Variants in SNX13 observed in about 807,000 individuals in gnomAD.
The protein encoded by SNX13 is sorting nexin-13.
SNX13 carries 45 observed loss-of-function variants against 133.6 expected under a neutral mutation model. The observed-to-expected ratio is 0.34, with a 90% CI of 0.27 to 0.43. SNX13 has a LOEUF of 0.43. SNX13 is among the 20% of genes least tolerant of loss of function. The pLI is 1.00. For synonymous variants in SNX13, 414 were observed against 373.9 expected, an observed-to-expected ratio of 1.11 and a Z score of -1.24; for missense variants, 1,032 against 1,145.1, an observed-to-expected ratio of 0.90 and a Z score of 1.43.
At chr7:17,928,936 G>C (rs1409328442) in intron 1 of SNX13, among the ~76,000 whole-genome samples, 2 of 152,024 alleles carry the variant, frequency 1.3e-5, no homozygotes, top group African/African-American at 2.4e-5. Context: ...CATGAAAAAA[G>C]TATATAAACC....
intron 9 of SNX13, among the ~76,000 whole-genome samples, chr7:17,857,692 G>A (rs1226497237): frequency 6.6e-6 from 1 of 152,186 alleles, no homozygotes; most frequent in East Asian, 1.9e-4. Context: ...TCTGAGGCAG[G>A]GAGAATTGCT....
intron 12 of SNX13, 83 bp downstream of exon 12, chr7:17,845,512 C>T: frequency 2.4e-6 from 2 of 839,508 alleles, no homozygotes; most frequent in Non-Finnish European, 3.7e-6. Context: ...AGTTGAGATA[C>T]TAAATTTTAT....
At position 17,794,040 on chromosome 7, in the gene SNX13, G is replaced by T. The variant is rs972796133; in HGVS notation, c.*5C>A. ...AAATGAACACCAGCTTCATAGAGTGGAGTGTCACCTTTTCTGCAAAGAAGG... is the reference window on the plus strand; with the variant it reads ...AAATGAACACCAGCTTCATAGAGTGTAGTGTCACCTTTTCTGCAAAGAAGG... On this transcript the variant is annotated 3_prime_UTR_variant, in exon 26 of 26. Coordinates refer to ENST00000428135, the MANE Select transcript of SNX13 (RefSeq NM_015132.5). The T allele has an allele frequency of 1.9e-6, 3 of 1,610,330 alleles. No individual in the cohort carries two copies. In the African/African-American group the frequency reaches 4.0e-5, roughly 22 times the overall value.
chr7:17,815,144 C>G (rs1195222221), intron 19 of SNX13, among the ~76,000 whole-genome samples, 200 bp from the exon 20 acceptor site: 1 of 152,002 alleles, frequency 6.6e-6, no homozygotes, highest in Non-Finnish European at 1.5e-5. Context: ...TATATATATT[C>G]TTTATATCAG....
intron 1 of SNX13, among the ~76,000 whole-genome samples, chr7:17,922,946 T>C (rs1374465428): frequency 6.6e-6 from 1 of 152,212 alleles, no homozygotes; most frequent in Non-Finnish European, 1.5e-5. Flanking sequence ...TTAATACACT[T>C]TCACACTGGT....
intron 15 of SNX13, chr7:17,831,475 G>C: frequency 3.1e-6 from 3 of 974,294 alleles, no homozygotes; most frequent in Non-Finnish European, 3.7e-6. Context: ...GGAGAGAGGA[G>C]AGATAGTAAG....
chr7:17,797,024 A>G (rs1475306477), intron 24 of SNX13, 85 bp from the exon 25 acceptor site: 1 of 1,054,948 alleles, frequency 9.5e-7, no homozygotes, highest in Non-Finnish European at 1.4e-6. Context: ...ATTTCTACAG[A>G]AAATACAAAT....
At chr7:17,915,323 G>A (rs913674281) in intron 1 of SNX13, among the ~76,000 whole-genome samples, 12 of 152,220 alleles carry the variant, frequency 7.9e-5, no homozygotes, top group African/African-American at 1.7e-4. Flanking sequence ...TTACCTAGGC[G>A]CCACAGCAAG....
chr7:17,865,175 G>A (rs1239277892), intron 9 of SNX13, among the ~76,000 whole-genome samples: 1 of 152,188 alleles, frequency 6.6e-6, no homozygotes, highest in African/African-American at 2.4e-5. Flanking sequence ...AAAACTCATT[G>A]ATACTAAGTA....
intron 1 of SNX13, among the ~76,000 whole-genome samples, chr7:17,939,403 G>A (rs1312250476): frequency 6.6e-6 from 1 of 152,204 alleles, no homozygotes; most frequent in Non-Finnish European, 1.5e-5. Context: ...TATGTTCAGT[G>A]ACACCTACAC....
intron 18 of SNX13, among the ~76,000 whole-genome samples, chr7:17,817,607 T>A (rs760413580): frequency 7.2e-5 from 11 of 152,164 alleles, no homozygotes; most frequent in Non-Finnish European, 1.3e-4. Context: ...TAAAAGCAGT[T>A]TTTTACTCCA....
intron 9 of SNX13, among the ~76,000 whole-genome samples, chr7:17,866,667 T>A (rs963051348): frequency 6.6e-6 from 1 of 152,076 alleles, no homozygotes; most frequent in Non-Finnish European, 1.5e-5. Context: ...AAACAAAGAC[T>A]GAACTCATGG....
rs570443357 is a variant in SNX13, at chr7:17,830,267, C to T, written c.1598-220G>A. 5.8e-5 allele frequency: 57 copies of T among 983,314 alleles called. 1 individual carries two copies. The South Asian group carries it at 1.1e-3, about 19-fold the overall frequency. 60.9% of individuals were successfully genotyped at this position (983,314 alleles called of 1,614,324 possible). On this transcript the variant is annotated intron_variant, in intron 15 of 25. Transcript: ENST00000428135. ...ATTTAAGTGACAATATAGTATGTAC[C>T]TGATAGCTGGCCAAAAATCAAAAAG...
chr7:17,805,211 TTGTGTGTGTGTG>T (rs55946438), intron 20 of SNX13, among the ~76,000 whole-genome samples: 62 of 118,524 alleles, frequency 5.2e-4, no homozygotes, highest in Middle Eastern at 7.7e-3. Flanking sequence ...TAATGATTCT[TTGTGTGTGTGTG>T]TGTGTGTGTG....
At chr7:17,801,092 G>C (rs1249817013) in intron 22 of SNX13, among the ~76,000 whole-genome samples, 1 of 94,694 alleles carries the variant, frequency 1.1e-5, no homozygotes, top group Non-Finnish European at 2.2e-5. Context: ...CCTAAGTATA[G>C]ATCCAATAGA....
chr7:17,839,447 A>G (rs1291641275), intron 13 of SNX13, among the ~76,000 whole-genome samples: 2 of 151,868 alleles, frequency 1.3e-5, no homozygotes, highest in Non-Finnish European at 2.9e-5. Flanking sequence ...TTAAATGTAC[A>G]TATGTTTAAT....
intron 18 of SNX13, among the ~76,000 whole-genome samples, 165 bp from the exon 19 acceptor site, chr7:17,816,454 G>A (rs1351896114): frequency 1.3e-5 from 2 of 152,294 alleles, no homozygotes; most frequent in East Asian, 1.9e-4. Flanking sequence ...CTGAGGTCGG[G>A]AGTTTGAGAT....
chr7:17,832,626 G>C (rs1338892878), intron 15 of SNX13: 3 of 284,856 alleles, frequency 1.1e-5, no homozygotes, highest in Non-Finnish European at 1.6e-5. Context: ...TTTTTCAATA[G>C]AGTAAGTACA....
intron 5 of SNX13, chr7:17,889,728 A>C (rs1796425271): frequency 6.6e-6 from 1 of 152,176 alleles, no homozygotes; most frequent in Non-Finnish European, 1.5e-5. Flanking sequence ...AAGCAGTTTA[A>C]GTACAAGAAT....
Sources: gnomAD v4.1 joint callset for allele counts (sites outside exome capture counted in the v4.1 genomes callset) on GRCh38, gnomAD v4.1.1 for gene constraint, MANE v1.5 for transcripts, NCBI Gene and HGNC (gene_info 2026-07-23, HGNC 2026-07-21) for gene names.